The following CLCN7 variants were observed in gnomAD, a reference collection of about 807,000 sequenced individuals.
CLCN7 encodes the protein H(+)/Cl(-) exchange transporter 7.
Under a neutral mutation model 102.1 loss-of-function variants are expected in CLCN7, and 60 were observed. That is an observed-to-expected ratio of 0.59 (90% CI 0.48 to 0.73). The LOEUF (loss-of-function observed/expected upper bound fraction) is 0.73, where lower values mean the gene tolerates loss of function less well. CLCN7 is among the 30% of genes least tolerant of loss of function. The probability of loss-of-function intolerance (pLI) is 0.00; values close to 1 mark genes in which losing one functional copy is unlikely to be tolerated. For missense variants in CLCN7, 962 were observed against 1,125.7 expected (o/e 0.85, Z 2.08); for synonymous variants, 560 against 490.5 (o/e 1.14, Z -1.87).
Position 1,445,551 on chromosome 16 carries a change from G to A in CLCN7, c.*1080C>T, listed in dbSNP as rs2038624553. The A allele has an allele frequency of 6.6e-6, 1 of 152,362 alleles. No homozygotes were observed. Among genetic ancestry groups the A allele is most frequent in the African/African-American group, 2.4e-5 (1 of 41,456 alleles). 9.4% of individuals were successfully genotyped at this position (152,362 alleles called of 1,614,324 possible). On this transcript the variant is annotated 3_prime_UTR_variant, in exon 25 of 25. Transcript: ENST00000382745. ...TGAAGTTGCCTCTGCCGCCCCGTGAGGGGCCTGTGGCGGCCCCAGACCCAG... is the reference window on the plus strand; with the variant it reads ...TGAAGTTGCCTCTGCCGCCCCGTGAAGGGCCTGTGGCGGCCCCAGACCCAG...
At chr16:1,460,150 G>A (rs2038910031) in intron 6 of CLCN7, among the ~76,000 whole-genome samples, 1 of 151,974 alleles carries the variant, frequency 6.6e-6, no homozygotes, top group Non-Finnish European at 1.5e-5. Flanking sequence ...GGCAGAGTGA[G>A]GAGATGGAAG....
chr16:1,446,540 A>G lies in CLCN7; in HGVS notation c.*91T>C. On this transcript the variant is annotated 3_prime_UTR_variant, in exon 25 of 25. Transcript: ENST00000382745. Reference sequence around the variant, plus strand: ...CTCGCCATTGCCACTGCTGGGGAGCATGGTTTGGGCCGAGAAACCAGTGAC... The same window carrying G: ...CTCGCCATTGCCACTGCTGGGGAGCGTGGTTTGGGCCGAGAAACCAGTGAC... 5 of 1,211,782 alleles carry G rather than the reference A, an allele frequency of 4.1e-6. No individual in the cohort carries two copies. The highest frequency in any genetic ancestry group is 5.9e-6 in the Non-Finnish European group (5 of 840,868). 75.1% of individuals were successfully genotyped at this position (1,211,782 alleles called of 1,614,324 possible). A position where few individuals can be genotyped will look rare whatever the true frequency, so the allele number is the denominator to read the frequency against.
chr16:1,466,238 G>A (rs889628474), intron 1 of CLCN7, among the ~76,000 whole-genome samples: 2 of 152,240 alleles, frequency 1.3e-5, no homozygotes, highest in Non-Finnish European at 2.9e-5. Flanking sequence ...GAAGACCAAC[G>A]AGGCTGCCGC....
chr16:1,453,821 G>A lies in CLCN7; in HGVS notation c.1214+13C>T, dbSNP rs201499975. 105 of 1,612,788 alleles carry A rather than the reference G, an allele frequency of 6.5e-5. No homozygotes were observed. The East Asian group carries it at 1.4e-3, about 21-fold the overall frequency. Reference sequence around the variant, plus strand: ...CGCCTGCCAACGCGATATGCAATGCGGTTTCTCCTCACCTGATTCGAAACA... The same window carrying A: ...CGCCTGCCAACGCGATATGCAATGCAGTTTCTCCTCACCTGATTCGAAACA... On this transcript the variant is annotated intron_variant, in intron 14 of 24. Transcript: ENST00000382745.
intron 2 of CLCN7, among the ~76,000 whole-genome samples, chr16:1,463,618 C>T (rs372154179): frequency 6.6e-5 from 10 of 152,198 alleles, no homozygotes; most frequent in South Asian, 2.1e-4. Context: ...GGACCACAGG[C>T]GCACACCACC....
chr16:1,455,481 A>G, intron 11 of CLCN7: 1 of 647,854 alleles, frequency 1.5e-6, no homozygotes. Context: ...AAGGTGGGGC[A>G]GGGCTGGGTT....
chr16:1,451,740 C>T (rs761456646), intron 15 of CLCN7, 24 bp from the exon 16 acceptor site: 6 of 1,596,562 alleles, frequency 3.8e-6, no homozygotes, highest in Non-Finnish European at 5.1e-6. Flanking sequence ...AGAGAGCACA[C>T]GTTGGGAGGG....
intron 1 of CLCN7, 98 bp from the exon 2 acceptor site, chr16:1,465,436 T>C (rs528499677): frequency 4.6e-5 from 51 of 1,099,204 alleles, no homozygotes; most frequent in South Asian, 1.3e-4. Context: ...CGCCTGACCC[T>C]GCCCGGGAGC....
chr16:1,462,489 C>G (rs918326287), intron 2 of CLCN7, among the ~76,000 whole-genome samples: 3 of 150,078 alleles, frequency 2.0e-5, no homozygotes, highest in Non-Finnish European at 4.4e-5. Flanking sequence ...CATTCTCCTG[C>G]CTCAGCCTCC....
At position 1,446,938 on chromosome 16, in the gene CLCN7, G is replaced by T. The variant is rs2038656151; in HGVS notation, c.2331+68C>A. On this transcript the variant is annotated intron_variant, in intron 24 of 24. Transcript: ENST00000382745. ...CCGTGTCCCCTGCCGGGAGCTGAGA[G>T]TAAGCACGGGCAGGAGGCAGAGGGG... 18 of 1,426,734 alleles carry T rather than the reference G, an allele frequency of 1.3e-5. No homozygotes were observed. In the South Asian group the frequency reaches 2.2e-4, roughly 17 times the overall value. 88.4% of individuals were successfully genotyped at this position (1,426,734 alleles called of 1,614,324 possible).
At chr16:1,465,027 ATGCTGTCAC>A (rs1441263253) in intron 2 of CLCN7, among the ~76,000 whole-genome samples, 2 of 151,506 alleles carry the variant, frequency 1.3e-5, no homozygotes, top group Non-Finnish European at 3.0e-5. Context: ...CTCGCTGCCC[ATGCTGTCAC>A]TGCTGTCCTG....
intron 1 of CLCN7, among the ~76,000 whole-genome samples, chr16:1,469,769 T>C (rs942720168): frequency 5.3e-5 from 8 of 152,246 alleles, no homozygotes; most frequent in African/African-American, 1.2e-4. Context: ...TTGCACGCCA[T>C]GTTCACAGCA....
chr16:1,451,970 G>T (rs540894487), intron 15 of CLCN7: 4 of 483,222 alleles, frequency 8.3e-6, no homozygotes, highest in East Asian at 4.0e-5. Flanking sequence ...GTCTAGCCCT[G>T]GGGGGTGGGT....
intron 1 of CLCN7, among the ~76,000 whole-genome samples, chr16:1,465,962 G>A (rs545698581): frequency 7.2e-5 from 11 of 152,320 alleles, no homozygotes; most frequent in Admixed American, 3.9e-4. Context: ...CCCAGTCTCC[G>A]GCTCCTTACT....
At chr16:1,455,074 A>G in intron 12 of CLCN7, 60 bp downstream of exon 12, 1 of 1,017,006 alleles carries the variant, frequency 9.8e-7, no homozygotes, top group East Asian at 2.4e-5. Flanking sequence ...CTGGGCCTTA[A>G]GCAAACAGGG....
chr16:1,452,215 T>C (rs2038762917), intron 15 of CLCN7: 1 of 239,700 alleles, frequency 4.2e-6, no homozygotes, highest in Non-Finnish European at 8.3e-6. Flanking sequence ...ACCTGACCCG[T>C]CCCATCCTGC....
At chr16:1,472,888 G>A (rs752371713) in intron 1 of CLCN7, among the ~76,000 whole-genome samples, 6 of 147,636 alleles carry the variant, frequency 4.1e-5, no homozygotes, top group African/African-American at 7.4e-5. Flanking sequence ...TCAGCCTCCC[G>A]AGCCAGTAGC....
Position 1,446,364 on chromosome 16 carries a change from G to C in CLCN7, c.*267C>G, listed in dbSNP as rs558738228. Reference sequence around the variant, plus strand: ...GTAGGGAGGTCACACACACACAGCTGATCCCTGGAGGTAAAGAAACCTAGA... The same window carrying C: ...GTAGGGAGGTCACACACACACAGCTCATCCCTGGAGGTAAAGAAACCTAGA... On this transcript the variant is annotated 3_prime_UTR_variant, in exon 25 of 25. Transcript: ENST00000382745. The C allele has an allele frequency of 7.1e-6, 5 of 702,148 alleles. No homozygotes were observed. In the Admixed American group the frequency reaches 1.0e-4, roughly 14 times the overall value. The allele number at this position is 702,148 out of a possible 1,614,324, so 43.5% of individuals were successfully genotyped here.
At chr16:1,470,085 T>A (rs998228778) in intron 1 of CLCN7, among the ~76,000 whole-genome samples, 1 of 152,210 alleles carries the variant, frequency 6.6e-6, no homozygotes, top group African/African-American at 2.4e-5. Flanking sequence ...CAGTTTCAGT[T>A]TGGCAAGGAA....
Sources: gnomAD v4.1 joint callset for allele counts (sites outside exome capture counted in the v4.1 genomes callset) on GRCh38, gnomAD v4.1.1 for gene constraint, MANE v1.5 for transcripts, NCBI Gene and HGNC (gene_info 2026-07-23, HGNC 2026-07-21) for gene names.